Variants in ZNF704 observed in about 807,000 individuals in gnomAD.
ZNF704 encodes the protein zinc finger protein 704, also known as glucocorticoid induced gene 1.
Under a neutral mutation model 44.7 loss-of-function variants are expected in ZNF704, and 10 were observed. That is an observed-to-expected ratio of 0.22 (90% confidence interval 0.14 to 0.38). ZNF704 has a LOEUF of 0.38. Among genes scored for constraint, ZNF704 ranks in the 10% least tolerant of loss-of-function variants. The pLI, the probability that ZNF704 is intolerant of heterozygous loss-of-function variation, is 1.00. For synonymous variants in ZNF704, 211 were observed against 207.6 expected, an observed-to-expected ratio of 1.02 and a Z score of -0.14; for missense variants, 390 against 545.5, an observed-to-expected ratio of 0.71 and a Z score of 2.84.
chr8:80,853,597 GTTA>G (rs1808908145), intron 1 of ZNF704, among the ~76,000 whole-genome samples: 2 of 152,080 alleles, frequency 1.3e-5, no homozygotes, highest in Non-Finnish European at 2.9e-5. Context: ...AATCAAGAAA[GTTA>G]TTATTGGAAA....
chr8:80,807,866 C>T (rs1056746649), intron 2 of ZNF704, among the ~76,000 whole-genome samples: 1 of 151,954 alleles, frequency 6.6e-6, no homozygotes, highest in Non-Finnish European at 1.5e-5. Flanking sequence ...GGGCTTTTAC[C>T]TCGTTTTAAC....
intron 4 of ZNF704, among the ~76,000 whole-genome samples, chr8:80,674,294 T>C (rs1563514317): frequency 6.6e-6 from 1 of 152,212 alleles, no homozygotes; most frequent in Non-Finnish European, 1.5e-5. Context: ...CAAAATACTA[T>C]TTTATTCAAA....
rs1339556662 is a variant in ZNF704 at position 80,643,472 on chromosome 8, G to GTGC, written c.1033-346_1033-344dup. 1.6e-4 allele frequency among the ~76,000 whole-genome samples: 21 copies of GTGC among 135,200 alleles called. No individual in the cohort carries two copies. In the East Asian group the frequency reaches 4.4e-3, roughly 28 times the overall value. The allele number at this position is 135,200 out of a possible 152,430, so 88.7% of individuals were successfully genotyped here. A position where few individuals can be genotyped will look rare whatever the true frequency, so the allele number is the denominator to read the frequency against. On this transcript the variant is annotated intron_variant, in intron 7 of 8. Transcript: ENST00000327835. The stretch of plus-strand genomic sequence containing the variant: ...GCGGAGGTTGCAGTGAGCTGAGATT[G>GTGC]TGCCACTGCACTCCAGCCTGGGTGA...
In ZNF704 at chr8:80,646,333, A is replaced by C. The variant is rs1458338942; in HGVS notation, c.1033-3204T>G. 3.9e-5 allele frequency among the ~76,000 whole-genome samples: 6 copies of C among 152,208 alleles called. No individual in the cohort carries two copies. The East Asian group carries it at 1.2e-3, about 29-fold the overall frequency. ...CATCTCTACTAAAAATACACAAATT[A>C]GCCAGATTGGTGATGTGCACCTAAA... On this transcript the variant is annotated intron_variant, in intron 7 of 8. Coordinates refer to ENST00000327835, the MANE Select transcript of ZNF704 (RefSeq NM_001033723.3).
At chr8:80,690,806 C>T (rs1195384109) in intron 3 of ZNF704, among the ~76,000 whole-genome samples, 4 of 152,240 alleles carry the variant, frequency 2.6e-5, no homozygotes, top group South Asian at 4.2e-4. Context: ...GTCAGGAGTT[C>T]GGGACCAGCC....
At chr8:80,844,779 T>C (rs1463498727) in intron 1 of ZNF704, among the ~76,000 whole-genome samples, 2 of 152,124 alleles carry the variant, frequency 1.3e-5, no homozygotes, top group African/African-American at 4.8e-5. Flanking sequence ...TCAAAAGTTA[T>C]AGTTTAAAAA....
chr8:80,756,649 A>G (rs1254724094), intron 2 of ZNF704, among the ~76,000 whole-genome samples: 1 of 152,256 alleles, frequency 6.6e-6, no homozygotes, highest in Non-Finnish European at 1.5e-5. Context: ...TTAATGGTAG[A>G]CCACAATGCA....
intron 2 of ZNF704, among the ~76,000 whole-genome samples, chr8:80,796,005 G>C (rs1487058595): frequency 2.0e-5 from 3 of 152,140 alleles, no homozygotes; most frequent in African/African-American, 7.2e-5. Context: ...CAAAATTTGT[G>C]CCCTTTAAAT....
intron 1 of ZNF704, among the ~76,000 whole-genome samples, chr8:80,862,973 ACCT>A: frequency 6.7e-6 from 1 of 148,314 alleles, no homozygotes; most frequent in East Asian, 2.0e-4. Flanking sequence ...TCCCACTGTC[ACCT>A]CCTCTTTCCC....
At chr8:80,712,032 G>A (rs1303390986) in intron 2 of ZNF704, among the ~76,000 whole-genome samples, 1 of 152,192 alleles carries the variant, frequency 6.6e-6, no homozygotes, top group East Asian at 1.9e-4. Flanking sequence ...CAAAGTCCAC[G>A]TGTTGGAAAC....
At chr8:80,733,027 G>A (rs1406269003) in intron 2 of ZNF704, among the ~76,000 whole-genome samples, 2 of 150,628 alleles carry the variant, frequency 1.3e-5, no homozygotes, top group Non-Finnish European at 2.9e-5. Context: ...TCTTTCCTAT[G>A]AGAAAGATTA....
At position 80,638,631 on chromosome 8, in the gene ZNF704, T is replaced by C. The variant is rs1817696825; in HGVS notation, c.*2735A>G. 6.6e-6 allele frequency: 1 copy of C among 152,446 alleles called. No homozygotes were observed. The highest frequency in any genetic ancestry group is 1.5e-5 in the Non-Finnish European group (1 of 68,008). The allele number at this position is 152,446 out of a possible 1,614,324, so 9.4% of individuals were successfully genotyped here. On this transcript the variant is annotated 3_prime_UTR_variant, in exon 9 of 9. Transcript: ENST00000327835. Reference sequence around the variant, plus strand: ...AACTTGCACGATCAGTGGTGTATATTGGAATTCATAGCTTTCTGGGTGGCC... The same window carrying C: ...AACTTGCACGATCAGTGGTGTATATCGGAATTCATAGCTTTCTGGGTGGCC...
At chr8:80,779,951 G>A (rs534196944) in intron 2 of ZNF704, among the ~76,000 whole-genome samples, 2 of 151,734 alleles carry the variant, frequency 1.3e-5, no homozygotes, top group African/African-American at 2.4e-5. Flanking sequence ...GTGAGGTGCC[G>A]AAGGCTCAGA....
chr8:80,692,041 T>C (rs1304387848), intron 3 of ZNF704, among the ~76,000 whole-genome samples: 2 of 152,158 alleles, frequency 1.3e-5, no homozygotes, highest in Non-Finnish European at 2.9e-5. Flanking sequence ...CTTTGGCTGA[T>C]AAACCTAATC....
At chr8:80,870,348 G>C (rs1809231063) in intron 1 of ZNF704, among the ~76,000 whole-genome samples, 1 of 151,944 alleles carries the variant, frequency 6.6e-6, no homozygotes, top group Non-Finnish European at 1.5e-5. Context: ...CCTCCTCTTT[G>C]TTCTCCTTTC....
intron 2 of ZNF704, among the ~76,000 whole-genome samples, chr8:80,780,026 T>C (rs1807490596): frequency 6.6e-6 from 1 of 152,016 alleles, no homozygotes; most frequent in Non-Finnish European, 1.5e-5. Flanking sequence ...AGATGGACTT[T>C]GAAAGATATC....
At chr8:80,872,778 C>A (rs947827108) in intron 1 of ZNF704, among the ~76,000 whole-genome samples, 2 of 152,162 alleles carry the variant, frequency 1.3e-5, no homozygotes, top group Non-Finnish European at 2.9e-5. Context: ...GTACAGGGGA[C>A]TTCGCTAGAA....
intron 2 of ZNF704, among the ~76,000 whole-genome samples, chr8:80,803,331 A>T (rs1807933270): frequency 6.6e-6 from 1 of 152,188 alleles, no homozygotes; most frequent in Non-Finnish European, 1.5e-5. Flanking sequence ...AATTAGAAAA[A>T]ACTATTTTAA....
At chr8:80,871,039 G>C (rs1388972287) in intron 1 of ZNF704, among the ~76,000 whole-genome samples, 1 of 151,934 alleles carries the variant, frequency 6.6e-6, no homozygotes, top group Non-Finnish European at 1.5e-5. Context: ...CCATCCACAA[G>C]TTCTTGTAGG....
Sources: allele counts gnomAD v4.1 joint callset (sites outside exome capture counted in the v4.1 genomes callset), GRCh38; gene constraint gnomAD v4.1.1; transcripts MANE v1.5; gene names NCBI Gene and HGNC (gene_info 2026-07-23, HGNC 2026-07-21).